The following DNAJC2 variants were observed in gnomAD, a reference collection of about 807,000 sequenced individuals.
DNAJC2 encodes the protein DnaJ heat shock protein family (Hsp40) member C2, also known as dnaJ homolog subfamily C member 2.
A neutral mutation model predicts 94.0 loss-of-function variants in DNAJC2; 32 were observed. The ratio of observed to expected loss-of-function variants is 0.34; its 90% CI spans 0.26 to 0.46. The LOEUF is 0.46. Among genes scored for constraint, DNAJC2 ranks in the 20% least tolerant of loss-of-function variants. The pLI is 1.00. For missense variants in DNAJC2, 550 were observed against 719.5 expected (o/e 0.76, Z 2.69); for synonymous variants, 210 against 229.7 (o/e 0.91, Z 0.77).
chr7:103,321,619 G>A (rs936241495), intron 10 of DNAJC2, among the ~76,000 whole-genome samples: 5 of 151,230 alleles, frequency 3.3e-5, no homozygotes, highest in Admixed American at 2.0e-4. Flanking sequence ...AGGCCAAGGC[G>A]GGGAGATCAC....
In DNAJC2 at chr7:103,312,554, A is replaced by G. The variant is rs1817803779; in HGVS notation, c.*15T>C. ...TTTCAGTTTTATTATAAAAATGCAC[A>G]CACAACAAAGATTGTCATTTCTTGG... On this transcript the variant is annotated 3_prime_UTR_variant, in exon 17 of 17. Coordinates refer to ENST00000379263, the MANE Select transcript of DNAJC2 (RefSeq NM_014377.3). 3.7e-6 allele frequency: 6 copies of G among 1,602,548 alleles called. No individual in the cohort carries two copies. The African/African-American group carries it at 4.0e-5, about 11-fold the overall frequency.
chr7:103,344,436 C>A (rs1471820179), intron 1 of DNAJC2, 123 bp downstream of exon 1: 2 of 1,075,878 alleles, frequency 1.9e-6, no homozygotes, highest in Non-Finnish European at 1.4e-6. Flanking sequence ...CTCGTCACGG[C>A]CCCATACGGC....
At chr7:103,314,624 G>C in intron 15 of DNAJC2, 1 of 985,300 alleles carries the variant, frequency 1.0e-6, no homozygotes, top group Non-Finnish European at 1.2e-6. Flanking sequence ...TGTCTTTCAG[G>C]TGTTCTGAAA....
intron 10 of DNAJC2, 107 bp from the exon 11 acceptor site, chr7:103,319,951 C>T: frequency 8.2e-7 from 1 of 1,217,212 alleles, no homozygotes; most frequent in South Asian, 1.3e-5. Flanking sequence ...AGGAGAATCG[C>T]TTGAACCTGG....
chr7:103,341,732 C>T (rs374279066), intron 2 of DNAJC2, 32 bp downstream of exon 2: 11 of 1,497,240 alleles, frequency 7.3e-6, no homozygotes, highest in Non-Finnish European at 8.9e-6. Context: ...AACAAAGCAT[C>T]TGACTGAACA....
chr7:103,333,951 A>ATTT (rs1213072243), intron 3 of DNAJC2, among the ~76,000 whole-genome samples: 1 of 139,520 alleles, frequency 7.2e-6, no homozygotes, highest in Non-Finnish European at 1.6e-5. Flanking sequence ...TGTTGTGAAC[A>ATTT]TTTTTTTTTT....
At chr7:103,312,795 T>C in intron 16 of DNAJC2, 152 bp from the exon 17 acceptor site, 1 of 1,510,942 alleles carries the variant, frequency 6.6e-7, no homozygotes. Flanking sequence ...GTTTCTAAGG[T>C]TGCTCATTTC....
intron 2 of DNAJC2, among the ~76,000 whole-genome samples, chr7:103,340,344 T>A (rs1819330317): frequency 6.6e-6 from 1 of 152,194 alleles, no homozygotes; most frequent in African/African-American, 2.4e-5. Context: ...TTAAAATGGA[T>A]GAGGTGGTGG....
chr7:103,327,610 A>G (rs755531121), intron 4 of DNAJC2, 46 bp downstream of exon 4: 2 of 1,249,282 alleles, frequency 1.6e-6, no homozygotes, highest in Non-Finnish European at 2.3e-6. Flanking sequence ...CAATTAATAA[A>G]TAACAATTAC....
At chr7:103,323,932 T>C (rs542834435) in intron 6 of DNAJC2, among the ~76,000 whole-genome samples, 1 of 152,338 alleles carries the variant, frequency 6.6e-6, no homozygotes, top group South Asian at 2.1e-4. Context: ...AAGTTTTCCT[T>C]GCCTTCAATT....
intron 3 of DNAJC2, chr7:103,329,264 A>G (rs1018380801): frequency 2.9e-5 from 6 of 203,730 alleles, no homozygotes; most frequent in African/African-American, 9.5e-5. Flanking sequence ...GGAAAGTGCT[A>G]TTGCTGTCTC....
chr7:103,322,031 C>T lies in DNAJC2; in HGVS notation c.984G>A (p.Glu328=), dbSNP rs142695020. 1,135 of 1,613,738 alleles carry T rather than the reference C, an allele frequency of 7.0e-4. 6 individuals carry two copies. In the African/African-American group the frequency reaches 0.014, roughly 20 times the overall value. The change falls in exon 10 of 17, where the codon GAG becomes GAA. Residue 328 remains glutamate (E), a synonymous_variant. Transcript: ENST00000379263. Reference sequence around the variant, plus strand: ...GCAATGCTTGCTGTCTGACTTCCTCCTCTTCTTTCTCCTTAGCTAACCGAG... The same window carrying T: ...GCAATGCTTGCTGTCTGACTTCCTCTTCTTCTTTCTCCTTAGCTAACCGAG... The part of the protein sequence containing the change: ...EAARLAKEKE[E]EEVRQQALLA...
intron 10 of DNAJC2, among the ~76,000 whole-genome samples, chr7:103,321,486 C>G (rs181913738): frequency 1.3e-4 from 19 of 151,508 alleles, no homozygotes; most frequent in African/African-American, 4.6e-4. Flanking sequence ...CCATTGCACT[C>G]CAGACCAGGT....
intron 13 of DNAJC2, 65 bp downstream of exon 13, chr7:103,316,765 G>A (rs1818083076): frequency 1.5e-5 from 20 of 1,307,752 alleles, no homozygotes; most frequent in South Asian, 6.6e-5. Flanking sequence ...CTGCTATTTG[G>A]AGTCTGTCTA....
chr7:103,313,224 T>G, intron 15 of DNAJC2, 123 bp from the exon 16 acceptor site: 3 of 1,453,698 alleles, frequency 2.1e-6, no homozygotes, highest in Admixed American at 2.7e-5. Context: ...GAAAATAAAC[T>G]TGTAGAGATG....
At chr7:103,329,778 C>T (rs999604533) in intron 3 of DNAJC2, among the ~76,000 whole-genome samples, 1 of 152,168 alleles carries the variant, frequency 6.6e-6, no homozygotes, top group Non-Finnish European at 1.5e-5. Flanking sequence ...TATATTTGAT[C>T]GTAACTTCCA....
chr7:103,321,971 G>T lies in DNAJC2; in HGVS notation c.1044C>A (p.Ala348=). The change falls in exon 10 of 17, where the codon GCC becomes GCA. Residue 348 remains alanine, a synonymous_variant. Coordinates refer to ENST00000379263, the MANE Select transcript of DNAJC2 (RefSeq NM_014377.3). ...AKKEKDIQKK[A]IKKERQKLRN... ...GAAGTTTTTGCCTTTCCTTCTTAAT[G>T]GCTTTTTTCTGGATATCTTTTTCCT... The T allele has an allele frequency of 6.2e-7, 1 of 1,613,514 alleles. No individual in the cohort carries two copies. The highest frequency in any genetic ancestry group is 8.5e-7 in the Non-Finnish European group (1 of 1,179,628).
chr7:103,341,019 A>G (rs1450334766), intron 2 of DNAJC2, among the ~76,000 whole-genome samples: 7 of 152,170 alleles, frequency 4.6e-5, no homozygotes, highest in Admixed American at 3.9e-4. Context: ...ACCTCTGAAT[A>G]CTTCTCTTTG....
intron 5 of DNAJC2, among the ~76,000 whole-genome samples, chr7:103,326,121 G>A (rs1202046084): frequency 6.6e-6 from 1 of 152,044 alleles, no homozygotes; most frequent in African/African-American, 2.4e-5. Context: ...TGGGATTACA[G>A]GCATGCACCT....
Sources: allele counts gnomAD v4.1 joint callset (sites outside exome capture counted in the v4.1 genomes callset), GRCh38; gene constraint gnomAD v4.1.1; transcripts MANE v1.5; gene names NCBI Gene and HGNC (gene_info 2026-07-23, HGNC 2026-07-21).